The following SLC35A1 variants were observed in gnomAD, a reference collection of about 807,000 sequenced individuals.
SLC35A1 encodes CMP-sialic acid transporter.
A neutral mutation model predicts 40.3 loss-of-function variants in SLC35A1; 21 were observed. The observed-to-expected ratio is 0.52, with a 90% CI of 0.37 to 0.75. The LOEUF (loss-of-function observed/expected upper bound fraction) is 0.75, where lower values mean the gene tolerates loss of function less well. Ranked by LOEUF, SLC35A1 falls within the 30% of genes least tolerant of loss-of-function variation. The pLI, the probability that SLC35A1 is intolerant of heterozygous loss-of-function variation, is 0.00. For synonymous variants in SLC35A1, 146 were observed against 147.3 expected (o/e 0.99, Z 0.06); for missense variants, 297 against 382.1 (o/e 0.78, Z 1.86).
At chr6:87,504,692 C>T (rs141088170) in intron 4 of SLC35A1, among the ~76,000 whole-genome samples, 2 of 152,294 alleles carry the variant, frequency 1.3e-5, no homozygotes, top group African/African-American at 4.8e-5. Context: ...TACTTCATCA[C>T]CCAGCAGTTT....
At chr6:87,475,494 T>A (rs1053107117) in intron 1 of SLC35A1, among the ~76,000 whole-genome samples, 4 of 152,240 alleles carry the variant, frequency 2.6e-5, no homozygotes, top group Admixed American at 1.3e-4. Flanking sequence ...AAACACTGAT[T>A]TTTTGGCTCC....
At position 87,490,415 on chromosome 6, in the gene SLC35A1, C is replaced by A. The variant is rs188864601; in HGVS notation, c.195-10093C>A. Among the ~76,000 whole-genome samples the A allele has an allele frequency of 1.3e-4, 20 of 149,056 alleles. No homozygotes were observed. In the East Asian group the frequency reaches 4.0e-3, roughly 30 times the overall value. ...GTGGCGTGATTTCGGCTCACTGCAG[C>A]CTCCGTCTCCTGGGTGCAAGTGATT... On this transcript the variant is annotated intron_variant, in intron 2 of 7. Coordinates refer to ENST00000369552, the MANE Select transcript of SLC35A1 (RefSeq NM_006416.5).
chr6:87,485,427 G>T (rs1769365637), intron 2 of SLC35A1, among the ~76,000 whole-genome samples: 1 of 152,126 alleles, frequency 6.6e-6, no homozygotes, highest in South Asian at 2.1e-4. Flanking sequence ...ATAACTAAAG[G>T]TTTAGAACTT....
chr6:87,498,602 C>T (rs1001682290), intron 2 of SLC35A1, among the ~76,000 whole-genome samples: 9 of 152,058 alleles, frequency 5.9e-5, no homozygotes, highest in African/African-American at 2.2e-4. Flanking sequence ...GAAACCCCGT[C>T]TCTACCAAAA....
intron 2 of SLC35A1, among the ~76,000 whole-genome samples, chr6:87,498,718 C>T (rs187807377): frequency 3.3e-5 from 5 of 152,072 alleles, no homozygotes; most frequent in East Asian, 1.9e-4. Flanking sequence ...TGCAGTGAGC[C>T]GAGATTGCAC....
At chr6:87,505,217 A>AT (rs199538535) in intron 4 of SLC35A1, among the ~76,000 whole-genome samples, 2,023 of 152,306 alleles carry the variant, frequency 0.013, 21 homozygotes, top group South Asian at 0.037. Context: ...CACTTTTCTT[A>AT]TATCAGGCTT....
At chr6:87,474,115 G>A (rs1274085794) in intron 1 of SLC35A1, among the ~76,000 whole-genome samples, 3 of 152,230 alleles carry the variant, frequency 2.0e-5, no homozygotes, top group Non-Finnish European at 4.4e-5. Context: ...TAACTAAAAT[G>A]GAATGGGGAT....
At chr6:87,474,436 G>C (rs923073206) in intron 1 of SLC35A1, among the ~76,000 whole-genome samples, 1 of 152,170 alleles carries the variant, frequency 6.6e-6, no homozygotes, top group African/African-American at 2.4e-5. Flanking sequence ...CACTATATGG[G>C]AGCTAATAGA....
intron 2 of SLC35A1, among the ~76,000 whole-genome samples, chr6:87,493,498 T>A (rs1178935397): frequency 6.6e-6 from 1 of 151,990 alleles, no homozygotes; most frequent in Non-Finnish European, 1.5e-5. Context: ...CAAAGAGTTC[T>A]ACATTGATTG....
At chr6:87,474,051 C>A (rs1768998702) in intron 1 of SLC35A1, among the ~76,000 whole-genome samples, 1 of 152,112 alleles carries the variant, frequency 6.6e-6, no homozygotes, top group Admixed American at 6.5e-5. Flanking sequence ...ATCTTAAAAG[C>A]CTTTTTTTGT....
rs1429007230 is a variant in SLC35A1, at chr6:87,499,952, T to A, written c.195-556T>A. ...CCAACAATACTAAAAATACAAAAAA[T>A]TTAGCTTGGTGTGGTGGTGGGTGCC... On this transcript the variant is annotated intron_variant, in intron 2 of 7. Transcript: ENST00000369552. Among the ~76,000 whole-genome samples the A allele has an allele frequency of 4.0e-5, 6 of 151,762 alleles. No individual in the cohort carries two copies. In the East Asian group the frequency reaches 1.2e-3, roughly 29 times the overall value.
intron 2 of SLC35A1, among the ~76,000 whole-genome samples, chr6:87,492,952 G>A (rs1267582998): frequency 6.6e-6 from 1 of 152,146 alleles, no homozygotes; most frequent in African/African-American, 2.4e-5. Flanking sequence ...GAGATACTTT[G>A]AGACGAGATA....
chr6:87,499,062 T>C (rs1769833534), intron 2 of SLC35A1: 1 of 908,758 alleles, frequency 1.1e-6, no homozygotes, highest in Non-Finnish European at 1.3e-6. Context: ...GATCTGTAAC[T>C]AAGAAGGATG....
rs534196480 is a variant in SLC35A1 at position 87,501,083 on chromosome 6, A to G, written c.355-75A>G. Reference sequence around the variant, plus strand: ...ATATTTTTTATTGATAATTTTATCAATGATACCAGAAATAATATATTTGTA... The same window carrying G: ...ATATTTTTTATTGATAATTTTATCAGTGATACCAGAAATAATATATTTGTA... On this transcript the variant is annotated intron_variant, in intron 3 of 7. Transcript: ENST00000369552. 737 of 1,324,820 alleles carry G rather than the reference A, an allele frequency of 5.6e-4. 2 individuals carry two copies. The African/African-American group carries it at 8.1e-3, about 15-fold the overall frequency. The allele number at this position is 1,324,820 out of a possible 1,614,324, so 82.1% of individuals were successfully genotyped here. A position where few individuals can be genotyped will look rare whatever the true frequency, so the allele number is the denominator to read the frequency against.
chr6:87,511,470 A>G lies in SLC35A1; in HGVS notation c.958A>G (p.Thr320Ala), dbSNP rs1770271770. ...IYLYGLPRQD[T>A]TSIQQGETAS... ...TCTCTATGGATTACCCAGACAAGAC[A>G]CTACATCCATCCAACAAGGAGAAAC... The change falls in exon 8 of 8, where the codon ACT becomes GCT. Residue 320 changes from threonine (T) to alanine (A), a missense_variant. By Grantham distance (58) the Thr-to-Ala change is moderately conservative (BLOSUM62 0). Coordinates refer to ENST00000369552, the MANE Select transcript of SLC35A1 (RefSeq NM_006416.5). 1 of 1,613,820 alleles carries G rather than the reference A, an allele frequency of 6.2e-7. No individual in the cohort carries two copies. Among genetic ancestry groups the G allele is most frequent in the East Asian group, 2.2e-5 (1 of 44,856 alleles).
chr6:87,477,606 T>C, intron 2 of SLC35A1, 67 bp downstream of exon 2: 1 of 1,290,340 alleles, frequency 7.7e-7, no homozygotes, highest in South Asian at 1.2e-5. Context: ...GTTAGAAAAT[T>C]CAAGCTACAT....
In SLC35A1 at chr6:87,474,642, G is replaced by C. The variant is rs185143627; in HGVS notation, c.16+1623G>C. Reference sequence around the variant, plus strand: ...TGAAGTTTTATACTGGAGAATTTGTGAATGGAGTGAACAAGAAATAGTTTG... The same window carrying C: ...TGAAGTTTTATACTGGAGAATTTGTCAATGGAGTGAACAAGAAATAGTTTG... On this transcript the variant is annotated intron_variant, in intron 1 of 7. Coordinates refer to ENST00000369552, the MANE Select transcript of SLC35A1 (RefSeq NM_006416.5). 1.4e-3 allele frequency among the ~76,000 whole-genome samples: 214 copies of C among 152,334 alleles called. 2 individuals are homozygous for C. The highest frequency in any genetic ancestry group is 4.9e-3 in the African/African-American group (202 of 41,584).
In SLC35A1 at chr6:87,501,309, TG is replaced by T; in HGVS notation, c.507+1del. The T allele has an allele frequency of 6.2e-7, 1 of 1,613,384 alleles. No homozygotes were observed. The highest frequency in any genetic ancestry group is 8.5e-7 in the Non-Finnish European group (1 of 1,179,586). On this transcript the variant is annotated frameshift_variant and splice_region_variant, in exon 4 of 8. Transcript: ENST00000369552. LOFTEE classifies it high-confidence loss of function. ...QWKPAQATKV[V>X]VEQNPLLGFG... ...AAACCAGCCCAAGCTACAAAAGTGG[TG>T]GTAAGAAACAAAATGCACACCATAA...
At chr6:87,485,987 C>G (rs1002453797) in intron 2 of SLC35A1, among the ~76,000 whole-genome samples, 1 of 152,140 alleles carries the variant, frequency 6.6e-6, no homozygotes, top group Admixed American at 6.5e-5. Flanking sequence ...GAAGTAAAAG[C>G]TTCTTCCTTT....
Sources: gnomAD v4.1 joint callset for allele counts (sites outside exome capture counted in the v4.1 genomes callset) on GRCh38, gnomAD v4.1.1 for gene constraint, MANE v1.5 for transcripts, NCBI Gene and HGNC (gene_info 2026-07-23, HGNC 2026-07-21) for gene names.